The following DPYSL2 variants were observed in gnomAD, a reference collection of about 807,000 sequenced individuals.
DPYSL2 encodes the protein dihydropyrimidinase like 2.
DPYSL2 carries 13 observed loss-of-function variants against 69.9 expected under a neutral mutation model. That is an observed-to-expected ratio of 0.19 (90% CI 0.12 to 0.30). The LOEUF is 0.30. Ranked by LOEUF, DPYSL2 falls within the 10% of genes least tolerant of loss-of-function variation. The probability of loss-of-function intolerance (pLI) is 1.00; values close to 1 mark genes in which losing one functional copy is unlikely to be tolerated. For missense variants in DPYSL2, 587 were observed against 918.9 expected (o/e 0.64, Z 4.67); for synonymous variants, 326 against 359.1 (o/e 0.91, Z 1.04).
chr8:26,613,554 C>T (rs1367941390), intron 3 of DPYSL2, among the ~76,000 whole-genome samples: 1 of 152,152 alleles, frequency 6.6e-6, no homozygotes, highest in Non-Finnish European at 1.5e-5. Context: ...TTTCCTGAGA[C>T]TAAAGAGGGT....
In DPYSL2 at chr8:26,618,315, C is replaced by CTT. The variant is rs11384905; in HGVS notation, c.629-5817_629-5816dup. Among the ~76,000 whole-genome samples the CTT allele has an allele frequency of 1.2e-3, 173 of 145,926 alleles. 1 individual carries two copies. Among genetic ancestry groups the CTT allele is most frequent in the African/African-American group, 3.2e-3 (128 of 39,748 alleles). On this transcript the variant is annotated intron_variant, in intron 3 of 13. Coordinates refer to ENST00000521913, the MANE Select transcript of DPYSL2 (RefSeq NM_001197293.3). ...CCCTGCATGGTATGTGGTTTTACGC[C>CTT]TTTTTTTTTTTTCTTAATAGACAGT...
In DPYSL2 at chr8:26,564,218, C is replaced by T. The variant is rs768910642; in HGVS notation, c.355-17751C>T. ...CCCAAGCTTTTCTAATGGAGTCAGG[C>T]GAAGAGGCCAACTGTAGTGGGTTGA... On this transcript the variant is annotated intron_variant, in intron 1 of 13. Coordinates refer to ENST00000521913, the MANE Select transcript of DPYSL2 (RefSeq NM_001197293.3). The surrounding 1 kb of genome is among the most constrained non-coding windows in gnomAD (Gnocchi z 4.8). Among the ~76,000 whole-genome samples the T allele has an allele frequency of 6.6e-6, 1 of 152,100 alleles. No individual in the cohort carries two copies. The highest frequency in any genetic ancestry group is 1.5e-5 in the Non-Finnish European group (1 of 68,034).
intron 1 of DPYSL2, among the ~76,000 whole-genome samples, chr8:26,527,139 C>T (rs145417330): frequency 2.6e-3 from 396 of 152,246 alleles, no homozygotes; most frequent in African/African-American, 9.2e-3. Flanking sequence ...ACAAGAGTGG[C>T]CTGGCTGCTG....
intron 3 of DPYSL2, among the ~76,000 whole-genome samples, chr8:26,607,558 G>A (rs1405241040): frequency 1.3e-5 from 2 of 152,018 alleles, no homozygotes; most frequent in African/African-American, 2.4e-5. Context: ...GGGAGGCTGA[G>A]ATGGAAGGAT....
chr8:26,649,809 A>G (rs919209459), intron 11 of DPYSL2, among the ~76,000 whole-genome samples: 10 of 152,210 alleles, frequency 6.6e-5, no homozygotes, highest in Non-Finnish European at 1.5e-4. Flanking sequence ...ATGTCTATGC[A>G]TGGTGAGTGA....
intron 1 of DPYSL2, among the ~76,000 whole-genome samples, chr8:26,522,708 T>G (rs1808408498): frequency 6.6e-6 from 1 of 152,240 alleles, no homozygotes; most frequent in African/African-American, 2.4e-5. Flanking sequence ...TTTATCATAT[T>G]GTTAAATTGT....
In DPYSL2 at chr8:26,643,493, A is replaced by G; in HGVS notation, c.1181A>G (p.His394Arg). ...ITASLGTDGS[H>R]YWSKNWAKAA... is the part of the protein sequence containing the mutation. ...GCCAGCTTGGGAACGGACGGCTCCC[A>G]TTACTGGAGCAAGAACTGGGCCAAG... The change falls in exon 9 of 14, where the codon CAT becomes CGT. Residue 394 changes from histidine (H) to arginine (R), a missense_variant. This residue lies in a region of DPYSL2 where 452 missense variants were observed against 754.3 expected (regional missense o/e 0.60). Transcript: ENST00000521913. This position sits in a 1 kb window ranked among gnomAD's most constrained non-coding sequence, Gnocchi z 6.5. The G allele has an allele frequency of 6.2e-7, 1 of 1,613,026 alleles. No individual in the cohort carries two copies. Among genetic ancestry groups the G allele is most frequent in the South Asian group, 1.1e-5 (1 of 90,962 alleles).
intron 7 of DPYSL2, among the ~76,000 whole-genome samples, chr8:26,632,171 A>T (rs1802790879): frequency 6.6e-6 from 1 of 152,214 alleles, no homozygotes; most frequent in Non-Finnish European, 1.5e-5. Flanking sequence ...ATTGGAAAGG[A>T]CACTAGGGAG....
At chr8:26,569,864 T>G (rs1394474514) in intron 1 of DPYSL2, among the ~76,000 whole-genome samples, 5 of 151,866 alleles carry the variant, frequency 3.3e-5, no homozygotes, top group Non-Finnish European at 5.9e-5. Flanking sequence ...TGCTATGGCA[T>G]GAGAGAGCTT....
At chr8:26,589,241 G>A (rs1801668981) in intron 3 of DPYSL2, among the ~76,000 whole-genome samples, 1 of 152,162 alleles carries the variant, frequency 6.6e-6, no homozygotes, top group Admixed American at 6.5e-5. Context: ...GCCCAGCCTG[G>A]GTGCTTCCCA....
Position 26,562,672 on chromosome 8 carries a change from C to T in DPYSL2, c.355-19297C>T, listed in dbSNP as rs2129666049. Among the ~76,000 whole-genome samples, 1 of 152,332 alleles carries T rather than the reference C, an allele frequency of 6.6e-6. No individual in the cohort carries two copies. The highest frequency in any genetic ancestry group is 1.5e-5 in the Non-Finnish European group (1 of 68,030). ...CTTCGGTTGTACAAAGCAGATGTTA[C>T]TGTGTAACAAATAGCCCCAAAATAT... On this transcript the variant is annotated intron_variant, in intron 1 of 13. Coordinates refer to ENST00000521913, the MANE Select transcript of DPYSL2 (RefSeq NM_001197293.3). The surrounding 1 kb of genome is among the most constrained non-coding windows in gnomAD (Gnocchi z 4.9).
chr8:26,575,085 C>A (rs1293674506), intron 1 of DPYSL2, among the ~76,000 whole-genome samples: 1 of 152,244 alleles, frequency 6.6e-6, no homozygotes, highest in African/African-American at 2.4e-5. Context: ...CGGCCCCAGC[C>A]ACCATGCCCG....
chr8:26,572,421 CAT>C (rs1433563866), intron 1 of DPYSL2, among the ~76,000 whole-genome samples: 1 of 152,216 alleles, frequency 6.6e-6, no homozygotes, highest in African/African-American at 2.4e-5. Flanking sequence ...TGCCTCCACT[CAT>C]ACCTCCCTCC....
chr8:26,525,026 C>T (rs1808454119), intron 1 of DPYSL2, among the ~76,000 whole-genome samples: 2 of 152,002 alleles, frequency 1.3e-5, no homozygotes, highest in Admixed American at 6.6e-5. Flanking sequence ...TCATCTGCTA[C>T]ATATTTTTTC....
chr8:26,551,332 G>C (rs1309621003), intron 1 of DPYSL2, among the ~76,000 whole-genome samples: 1 of 152,056 alleles, frequency 6.6e-6, no homozygotes, highest in Non-Finnish European at 1.5e-5. Flanking sequence ...AAATTATCAG[G>C]GATAAAGAGG....
intron 11 of DPYSL2, among the ~76,000 whole-genome samples, chr8:26,649,072 G>A (rs955596457): frequency 7.2e-5 from 11 of 152,234 alleles, no homozygotes; most frequent in African/African-American, 2.4e-4. Context: ...TCATGTGCCT[G>A]TAACTTCACA....
intron 1 of DPYSL2, among the ~76,000 whole-genome samples, chr8:26,575,942 A>C (rs1222138802): frequency 6.6e-6 from 1 of 152,132 alleles, no homozygotes; most frequent in Non-Finnish European, 1.5e-5. Flanking sequence ...ACAAGTAGAG[A>C]GAGGCCAAGT....
intron 1 of DPYSL2, among the ~76,000 whole-genome samples, chr8:26,515,619 A>ACACT (rs1474117999): frequency 6.6e-6 from 1 of 152,272 alleles, no homozygotes; most frequent in Admixed American, 6.5e-5. Flanking sequence ...TTTTCAGCGC[A>ACACT]GTAATAATCT....
At chr8:26,589,921 C>G (rs1341828046) in intron 3 of DPYSL2, among the ~76,000 whole-genome samples, 2 of 152,188 alleles carry the variant, frequency 1.3e-5, no homozygotes, top group Non-Finnish European at 2.9e-5. Context: ...TCCTACTGAG[C>G]CTCCCCATGG....
Sources: allele counts gnomAD v4.1 joint callset (sites outside exome capture counted in the v4.1 genomes callset), GRCh38; gene constraint gnomAD v4.1.1; regional missense constraint gnomAD v4.1.1; non-coding constraint Gnocchi (gnomAD v3.1); transcripts MANE v1.5; gene names NCBI Gene and HGNC (gene_info 2026-07-23, HGNC 2026-07-21).